Variants in TENM4 observed in about 807,000 individuals in gnomAD.
The protein encoded by TENM4 is teneurin-4.
TENM4 carries 82 observed loss-of-function variants against 243.3 expected under a neutral mutation model. The observed-to-expected ratio is 0.34, with a 90% confidence interval of 0.28 to 0.40. The LOEUF is 0.40. Ranked by LOEUF, TENM4 falls within the 10% of genes least tolerant of loss-of-function variation. TENM4 has a pLI of 1.00. For synonymous variants in TENM4, 1,412 were observed against 1,456.3 expected (o/e 0.97, Z 0.69); for missense variants, 3,138 against 3,673.3 (o/e 0.85, Z 3.77).
chr11:79,103,836 G>C (rs560717678), intron 4 of TENM4, among the ~76,000 whole-genome samples: 6 of 152,306 alleles, frequency 3.9e-5, no homozygotes, highest in Non-Finnish European at 8.8e-5. Context: ...GCTGTCTTAG[G>C]CGAACTGCTA....
intron 12 of TENM4, among the ~76,000 whole-genome samples, chr11:78,828,532 C>T (rs545985681): frequency 2.0e-5 from 3 of 152,210 alleles, no homozygotes; most frequent in South Asian, 4.1e-4. Flanking sequence ...GTCAGCAGCA[C>T]GATGATTTGA....
Position 79,337,214 on chromosome 11 carries a change from C to T in TENM4, c.-320-39671G>A, listed in dbSNP as rs149637333. The stretch of plus-strand genomic sequence containing the variant: ...TAAATCCTTTCAATATACAAGGAAT[C>T]GGCCTGCCAGAGGCTTTTTAGAAAA... On this transcript the variant is annotated intron_variant, in intron 1 of 33. Transcript: ENST00000278550. Among the ~76,000 whole-genome samples, 7 of 152,322 alleles carry T rather than the reference C, an allele frequency of 4.6e-5. No individual in the cohort carries two copies. In the East Asian group the frequency reaches 7.7e-4, roughly 17 times the overall value.
chr11:78,814,381 A>G lies in TENM4; in HGVS notation c.1696T>C (p.Cys566Arg). The change falls in exon 13 of 34, where the codon TGC becomes CGC. Residue 566 changes from cysteine (C) to arginine (R), a missense_variant. Cys to Arg is a radical substitution (Grantham distance 180, BLOSUM62 -3). Around this residue, in one of 2 missense-constraint regions of TENM4, gnomAD observed 2,467 missense variants for 3,059.1 expected, o/e 0.81. Transcript: ENST00000278550. Reference protein sequence around the residue: ...LTTAIESVDNCPSNCYGNGDC... With the variant: ...LTTAIESVDNRPSNCYGNGDC... ...CCATTGCCATAGCAGTTGCTGGGGC[A>G]GTTATCCACCGACTCTGGGGAGAGA... 6.5e-7 allele frequency: 1 copy of G among 1,549,618 alleles called. No homozygotes were observed. The highest frequency in any genetic ancestry group is 8.7e-7 in the Non-Finnish European group (1 of 1,146,226).
In TENM4 at chr11:78,722,728, T is replaced by G; in HGVS notation, c.3740A>C (p.Asp1247Ala). Residue 1247 changes from aspartate to alanine, a missense_variant, in exon 24 of 34, where the codon GAT (aspartate) becomes GCT (alanine). This residue lies in a region of TENM4 where 2,467 missense variants were observed against 3,059.1 expected (regional missense o/e 0.81). Transcript: ENST00000278550. ...CGSDGSLYVG[D>A]FNYIRRIFPS... ...GAAGATCCTTCTAATGTAGTTGAAA[T>G]CACCCACATAGAGGCTCCCGTCAGA... 6.2e-7 allele frequency: 1 copy of G among 1,614,030 alleles called. No homozygotes were observed.
chr11:78,880,486 A>G lies in TENM4; in HGVS notation c.1084+9299T>C, dbSNP rs1169560784. ...AAAAAAAAAAAAAAAAAAAAAAAAA[A>G]AAAGAAAGAAAAAATGGCCTGTGAA... On this transcript the variant is annotated intron_variant, in intron 9 of 33. Coordinates refer to ENST00000278550, the MANE Select transcript of TENM4 (RefSeq NM_001098816.3). Among the ~76,000 whole-genome samples the G allele has an allele frequency of 2.3e-3, 303 of 132,562 alleles. 2 individuals carry two copies. The highest frequency in any genetic ancestry group is 7.5e-3 in the African/African-American group (292 of 39,020). 87.0% of individuals were successfully genotyped at this position (132,562 alleles called of 152,430 possible).
At chr11:79,038,100 G>A (rs960115491) in intron 6 of TENM4, among the ~76,000 whole-genome samples, 3 of 152,192 alleles carry the variant, frequency 2.0e-5, no homozygotes, top group Admixed American at 6.5e-5. Flanking sequence ...GACAACCATC[G>A]CCTGAGACAT....
At chr11:79,416,210 A>G (rs1264372349) in intron 1 of TENM4, among the ~76,000 whole-genome samples, 1 of 152,222 alleles carries the variant, frequency 6.6e-6, no homozygotes, top group African/African-American at 2.4e-5. Context: ...ATTCTTGTAC[A>G]GGTCTTTGTA....
chr11:78,673,454 C>A (rs1379000008), intron 30 of TENM4, among the ~76,000 whole-genome samples: 1 of 152,100 alleles, frequency 6.6e-6, no homozygotes, highest in Non-Finnish European at 1.5e-5. Flanking sequence ...TCACGTGATG[C>A]AAAATGGCAT....
chr11:79,438,794 AC>A lies in TENM4; in HGVS notation c.-321+1714del. On this transcript the variant is annotated intron_variant, in intron 1 of 33. Coordinates refer to ENST00000278550, the MANE Select transcript of TENM4 (RefSeq NM_001098816.3). The surrounding 1 kb of genome is among the most constrained non-coding windows in gnomAD (Gnocchi z 4.1). ...CCCAATGAAACCTCAGTTCTGACTGACTCCTCCTCTGCGATCAATTCCGGAT... is the reference window on the plus strand; with the variant it reads ...CCCAATGAAACCTCAGTTCTGACTGATCCTCCTCTGCGATCAATTCCGGAT... Among the ~76,000 whole-genome samples the A allele has an allele frequency of 6.6e-6, 1 of 151,144 alleles. No individual in the cohort carries two copies. Among genetic ancestry groups the A allele is most frequent in the South Asian group, 2.1e-4 (1 of 4,748 alleles).
intron 4 of TENM4, among the ~76,000 whole-genome samples, chr11:79,110,550 C>T (rs1309424115): frequency 6.6e-6 from 1 of 152,152 alleles, no homozygotes; most frequent in African/African-American, 2.4e-5. Flanking sequence ...CTCTCCCTGC[C>T]AACATTTTTG....
At chr11:78,832,987 T>C (rs1374791086) in intron 12 of TENM4, among the ~76,000 whole-genome samples, 1 of 152,204 alleles carries the variant, frequency 6.6e-6, no homozygotes, top group East Asian at 1.9e-4. Context: ...GGTGTGGACC[T>C]TGCCCTCAAA....
At chr11:79,311,857 G>T (rs560893519) in intron 1 of TENM4, among the ~76,000 whole-genome samples, 5 of 152,300 alleles carry the variant, frequency 3.3e-5, no homozygotes, top group African/African-American at 1.2e-4. Flanking sequence ...TGCAACTTAA[G>T]CCCTTGCAGC....
chr11:79,140,252 C>A (rs1862261545), intron 4 of TENM4, among the ~76,000 whole-genome samples: 1 of 152,050 alleles, frequency 6.6e-6, no homozygotes, highest in South Asian at 2.1e-4. Context: ...TTTCTTTAAT[C>A]CTTTGCTCAA....
intron 1 of TENM4, among the ~76,000 whole-genome samples, chr11:79,358,029 C>T (rs1857526547): frequency 6.6e-6 from 1 of 152,142 alleles, no homozygotes; most frequent in Non-Finnish European, 1.5e-5. Context: ...GTCGTAATTA[C>T]CATGCCCTGA....
At chr11:79,143,079 G>A (rs1262733057) in intron 4 of TENM4, among the ~76,000 whole-genome samples, 1 of 152,158 alleles carries the variant, frequency 6.6e-6, no homozygotes, top group Non-Finnish European at 1.5e-5. Context: ...CTGTTGGTGG[G>A]AGTGTAAACT....
At chr11:79,349,572 G>A (rs1186489777) in intron 1 of TENM4, among the ~76,000 whole-genome samples, 2 of 152,084 alleles carry the variant, frequency 1.3e-5, no homozygotes, top group Non-Finnish European at 2.9e-5. Flanking sequence ...GTTTTGCAGT[G>A]AATAAGACAG....
intron 1 of TENM4, among the ~76,000 whole-genome samples, chr11:79,390,504 T>C (rs1163691778): frequency 1.3e-5 from 2 of 152,220 alleles, no homozygotes; most frequent in Non-Finnish European, 2.9e-5. Context: ...TCACCCACTA[T>C]AACAGTCAGG....
intron 8 of TENM4, among the ~76,000 whole-genome samples, chr11:78,890,354 T>C (rs1409055285): frequency 6.6e-6 from 1 of 152,198 alleles, no homozygotes; most frequent in Non-Finnish European, 1.5e-5. Context: ...GGATACTGTT[T>C]CTTGGGGAAT....
At chr11:79,104,438 C>T (rs1861312028) in intron 4 of TENM4, among the ~76,000 whole-genome samples, 1 of 152,228 alleles carries the variant, frequency 6.6e-6, no homozygotes, top group East Asian at 1.9e-4. Context: ...ACGTTTTTAA[C>T]ATTAGAGATG....
Sources: allele counts gnomAD v4.1 joint callset (sites outside exome capture counted in the v4.1 genomes callset), GRCh38; gene constraint gnomAD v4.1.1; regional missense constraint gnomAD v4.1.1; non-coding constraint Gnocchi (gnomAD v3.1); transcripts MANE v1.5; gene names NCBI Gene and HGNC (gene_info 2026-07-23, HGNC 2026-07-21).